Variants in REPS2 observed in about 807,000 individuals in gnomAD.
REPS2 encodes ralBP1-associated Eps domain-containing protein 2.
REPS2 carries 23 observed loss-of-function variants against 53.6 expected under a neutral mutation model. The ratio of observed to expected loss-of-function variants is 0.43; its 90% CI spans 0.31 to 0.61. The LOEUF (loss-of-function observed/expected upper bound fraction) is 0.61. REPS2 is among the 20% of genes least tolerant of loss of function. The pLI is 0.11. For missense variants in REPS2, 446 were observed against 534.9 expected (o/e 0.83, Z 1.64); for synonymous variants, 238 against 218.6 (o/e 1.09, Z -0.78).
In REPS2 at chrX:16,951,304, A is replaced by G. The variant is rs778072044; in HGVS notation, c.273+4170A>G. ...ATTCTGCCATTTTCCACCTAGTGCT[A>G]GAATCCTGCTCTTAAAATAAGTCAG... On this transcript the variant is annotated intron_variant, in intron 1 of 17. Transcript: ENST00000357277. Among the ~76,000 whole-genome samples, 18 of 111,802 alleles carry G rather than the reference A, an allele frequency of 1.6e-4. No individual in the cohort carries two copies. In the East Asian group the frequency reaches 4.2e-3, roughly 26 times the overall value.
intron 5 of REPS2, among the ~76,000 whole-genome samples, 165 bp downstream of exon 5, chrX:17,029,788 T>A (rs1397937142): frequency 2.7e-5 from 3 of 112,405 alleles, no homozygotes; most frequent in African/African-American, 9.7e-5. Context: ...AATTACTAAA[T>A]CTTTTCTACT....
At chrX:16,953,219 A>G (rs758887518) in intron 1 of REPS2, among the ~76,000 whole-genome samples, 1 of 112,217 alleles carries the variant, frequency 8.9e-6, no homozygotes, top group East Asian at 2.8e-4. Context: ...CTAAAAGAGA[A>G]TGAATGCCAG....
chrX:17,108,608 T>C (rs190977780), intron 14 of REPS2, among the ~76,000 whole-genome samples: 2 of 112,013 alleles, frequency 1.8e-5, no homozygotes, highest in African/African-American at 6.5e-5. Context: ...TCAGTGTAAC[T>C]ATAATAAAGA....
At chrX:16,950,356 T>G (rs1284854009) in intron 1 of REPS2, among the ~76,000 whole-genome samples, 1 of 112,243 alleles carries the variant, frequency 8.9e-6, no homozygotes. Flanking sequence ...TATGCAGCCT[T>G]TTTTGTTACA....
At chrX:17,146,526 T>G (rs1197231907) in intron 17 of REPS2, among the ~76,000 whole-genome samples, 1 of 111,914 alleles carries the variant, frequency 8.9e-6, no homozygotes, top group Non-Finnish European at 1.9e-5. Context: ...GTTCATTAAC[T>G]TTATTATCTT....
At chrX:17,023,632 T>G (rs934204922) in intron 3 of REPS2, among the ~76,000 whole-genome samples, 2 of 111,506 alleles carry the variant, frequency 1.8e-5, no homozygotes, top group African/African-American at 3.3e-5. Flanking sequence ...TTCATAATTC[T>G]GACACATTTT....
intron 13 of REPS2, among the ~76,000 whole-genome samples, chrX:17,102,455 A>G (rs1376406386): frequency 8.9e-6 from 1 of 112,114 alleles, no homozygotes; most frequent in Non-Finnish European, 1.9e-5. Context: ...AGGAGCCCTG[A>G]GATGAATAAT....
At chrX:16,994,578 G>A (rs892360109) in intron 1 of REPS2, among the ~76,000 whole-genome samples, 2 of 111,289 alleles carry the variant, frequency 1.8e-5, no homozygotes, top group African/African-American at 3.3e-5. Context: ...AAAACCGAAC[G>A]TTGTATTTTC....
At chrX:17,030,030 G>A (rs927234258) in intron 5 of REPS2, among the ~76,000 whole-genome samples, 5 of 111,947 alleles carry the variant, frequency 4.5e-5, no homozygotes, top group Non-Finnish European at 9.4e-5. Context: ...TAATTACATG[G>A]TAAACTTTTG....
intron 1 of REPS2, among the ~76,000 whole-genome samples, chrX:16,991,743 A>G (rs1483442779): frequency 9.0e-6 from 1 of 110,726 alleles, no homozygotes; most frequent in Non-Finnish European, 1.9e-5. Context: ...AAATAAATAA[A>G]TAAATAAATA....
chrX:17,141,655 A>G (rs1048751944), intron 17 of REPS2, among the ~76,000 whole-genome samples: 6 of 111,978 alleles, frequency 5.4e-5, no homozygotes, highest in African/African-American at 9.7e-5. Context: ...GAGAGTTCCA[A>G]TTGTTCCGCG....
In REPS2 at chrX:17,137,292, C is replaced by A. The variant is rs1313905380; in HGVS notation, c.1809-1564C>A. ...TTCCAATTTCTCCATTTTGTCAACACTTATCTTTTTTTTTTATTATAGCCA... is the reference window on the plus strand; with the variant it reads ...TTCCAATTTCTCCATTTTGTCAACAATTATCTTTTTTTTTTATTATAGCCA... On this transcript the variant is annotated intron_variant, in intron 16 of 17. Coordinates refer to ENST00000357277, the MANE Select transcript of REPS2 (RefSeq NM_004726.3). 3 of 111,594 alleles carry A rather than the reference C, an allele frequency of 2.7e-5. No individual in the cohort carries two copies. The Admixed American group carries it at 2.8e-4, about 11-fold the overall frequency. The allele number at this position is 111,594 out of a possible 1,213,427, so 9.2% of individuals were successfully genotyped here. A position where few individuals can be genotyped will look rare whatever the true frequency, so the allele number is the denominator to read the frequency against.
At chrX:17,035,306 G>A (rs1469559689) in intron 5 of REPS2, among the ~76,000 whole-genome samples, 2 of 108,556 alleles carry the variant, frequency 1.8e-5, no homozygotes, top group Non-Finnish European at 3.8e-5. Flanking sequence ...ACTGGACCAG[G>A]ATGCAAGCAG....
chrX:16,954,760 T>C (rs1858579688), intron 1 of REPS2, among the ~76,000 whole-genome samples: 1 of 110,193 alleles, frequency 9.1e-6, no homozygotes, highest in South Asian at 3.8e-4. Context: ...GTGTAGACAA[T>C]TGGTTTTGAG....
At chrX:17,171,232 C>A in the REPS2 span, among the ~76,000 whole-genome samples, 2 of 111,959 alleles carry the variant, frequency 1.8e-5, no homozygotes, top group African/African-American at 6.5e-5. Context: ...ACCCAGCTCC[C>A]AGAGGCCTCT....
intron 13 of REPS2, among the ~76,000 whole-genome samples, chrX:17,098,838 G>A (rs1281585986): frequency 9.0e-6 from 1 of 111,258 alleles, no homozygotes; most frequent in Non-Finnish European, 1.9e-5. Flanking sequence ...CTTCCCTCCT[G>A]TCTTATCTCC....
chrX:17,113,171 A>G (rs551012119), intron 14 of REPS2, among the ~76,000 whole-genome samples: 1 of 96,703 alleles, frequency 1.0e-5, no homozygotes, highest in South Asian at 5.4e-4. Context: ...CAGAAATAAT[A>G]AAGAGTAGAG....
At chrX:17,024,685 G>T (rs374906139) in intron 3 of REPS2, among the ~76,000 whole-genome samples, 37 of 111,037 alleles carry the variant, frequency 3.3e-4, no homozygotes, top group African/African-American at 1.1e-3. Context: ...ATAAATCCAG[G>T]AAATAAATTT....
chrX:17,138,964 AAGG>A lies in REPS2; in HGVS notation c.1914+5_1914+7del. 2 of 1,143,629 alleles carry A rather than the reference AAGG, an allele frequency of 1.7e-6. No homozygotes were observed. The highest frequency in any genetic ancestry group is 2.4e-6 in the Non-Finnish European group (2 of 849,795). The allele number at this position is 1,143,629 out of a possible 1,213,427, so 94.2% of individuals were successfully genotyped here. On this transcript the variant is annotated splice_donor_5th_base_variant and intron_variant, in intron 17 of 17. Transcript: ENST00000357277. ...GTGAGCTCCAGCAGCAGCTCAAGGT[AAGG>A]AATGAGTCCCAGATTTGGATGACCA...
Sources: gnomAD v4.1 joint callset for allele counts (sites outside exome capture counted in the v4.1 genomes callset) on GRCh38, gnomAD v4.1.1 for gene constraint, MANE v1.5 for transcripts, NCBI Gene and HGNC (gene_info 2026-07-23, HGNC 2026-07-21) for gene names.